MAP3K20: variants seen among roughly 807,000 people sequenced by gnomAD.
MAP3K20 encodes mitogen-activated protein kinase kinase kinase 20.
In MAP3K20, 40 loss-of-function variants were observed where a neutral mutation model predicts 85.7. The observed-to-expected ratio is 0.47, with a 90% CI of 0.36 to 0.61. MAP3K20 has a LOEUF of 0.61. Ranked by LOEUF, MAP3K20 falls within the 20% of genes least tolerant of loss-of-function variation. The probability of loss-of-function intolerance (pLI) is 0.00; values close to 1 mark genes in which losing one functional copy is unlikely to be tolerated. For missense variants in MAP3K20, 817 were observed against 961.7 expected (o/e 0.85, Z 1.99); for synonymous variants, 325 against 327.7 (o/e 0.99, Z 0.09).
Position 173,240,708 on chromosome 2 carries a change from G to C in MAP3K20, c.1359+1212G>C, listed in dbSNP as rs1684759694. ...GAATGCTGGTGAGGATGTGGAGAAA[G>C]GAGAACCTTCGTACACTGTTGGTGG... is the stretch of plus-strand genomic sequence containing the variant. On this transcript the variant is annotated intron_variant, in intron 16 of 19. Coordinates refer to ENST00000375213, the MANE Select transcript of MAP3K20 (RefSeq NM_016653.3). Among the ~76,000 whole-genome samples the C allele has an allele frequency of 2.0e-5, 3 of 152,164 alleles. No homozygotes were observed. The South Asian group carries it at 6.2e-4, about 32-fold the overall frequency.
intron 2 of MAP3K20, among the ~76,000 whole-genome samples, chr2:173,118,725 A>T (rs1391940925): frequency 6.6e-6 from 1 of 152,252 alleles, no homozygotes; most frequent in Non-Finnish European, 1.5e-5. Flanking sequence ...GGAAGTTAGT[A>T]ATAATCATGA....
intron 2 of MAP3K20, among the ~76,000 whole-genome samples, chr2:173,141,127 C>T (rs567200501): frequency 9.9e-5 from 15 of 152,222 alleles, no homozygotes; most frequent in South Asian, 2.1e-4. Flanking sequence ...TGTGACTACA[C>T]GTAGAGCTAC....
intron 14 of MAP3K20, 84 bp from the exon 15 acceptor site, chr2:173,238,289 G>A: frequency 1.7e-6 from 2 of 1,155,688 alleles, no homozygotes; most frequent in Non-Finnish European, 1.3e-6. Context: ...GGTAAATAAG[G>A]AATGTTTTTG....
At chr2:173,161,132 A>C (rs1333318425) in intron 2 of MAP3K20, among the ~76,000 whole-genome samples, 2 of 152,260 alleles carry the variant, frequency 1.3e-5, no homozygotes, top group Admixed American at 1.3e-4. Flanking sequence ...TGCAAAGGCA[A>C]GGGCATGCTT....
chr2:173,121,531 C>A (rs142283897), intron 2 of MAP3K20, among the ~76,000 whole-genome samples: 2 of 151,952 alleles, frequency 1.3e-5, no homozygotes, highest in Admixed American at 6.6e-5. Context: ...GGACTACAGG[C>A]GCCCGCCACC....
In MAP3K20 at chr2:173,165,508, C is replaced by T. The variant is rs75508510; in HGVS notation, c.160-4297C>T. Among the ~76,000 whole-genome samples the T allele has an allele frequency of 3.7e-3, 571 of 152,288 alleles. 2 individuals are homozygous for T. The highest frequency in any genetic ancestry group is 0.01 in the Middle Eastern group (3 of 294). The stretch of plus-strand genomic sequence containing the variant: ...AAATTACATGTTTATCTTATGGATA[C>T]TTAGACCGTAGTTTGTATAACTTTA... On this transcript the variant is annotated intron_variant, in intron 2 of 19. Transcript: ENST00000375213.
At chr2:173,089,436 TAA>T (rs35555816) in intron 1 of MAP3K20, among the ~76,000 whole-genome samples, 38,591 of 152,006 alleles carry the variant, frequency 0.25, 6,065 homozygotes, top group Non-Finnish European at 0.35. Flanking sequence ...CATCCATCTA[TAA>T]AGCAAAAATA....
At chr2:173,167,727 T>G (rs1038311792) in intron 2 of MAP3K20, among the ~76,000 whole-genome samples, 1 of 152,148 alleles carries the variant, frequency 6.6e-6, no homozygotes, top group African/African-American at 2.4e-5. Flanking sequence ...CCTCAAGATA[T>G]CACTTGGCAA....
At chr2:173,115,509 G>A (rs1358536766) in intron 2 of MAP3K20, among the ~76,000 whole-genome samples, 2 of 152,134 alleles carry the variant, frequency 1.3e-5, no homozygotes, top group East Asian at 3.8e-4. Context: ...TATTACCAGA[G>A]TTGGGTTTCT....
chr2:173,096,344 C>CA (rs1553563209), intron 2 of MAP3K20, among the ~76,000 whole-genome samples: 1 of 144,616 alleles, frequency 6.9e-6, no homozygotes, highest in East Asian at 2.0e-4. Context: ...TTCTTTTTTC[C>CA]TTTTTTTTTT....
At chr2:173,084,025 A>G (rs560488462) in intron 1 of MAP3K20, among the ~76,000 whole-genome samples, 1 of 152,348 alleles carries the variant, frequency 6.6e-6, no homozygotes, top group South Asian at 2.1e-4. Context: ...ACCACAAGAT[A>G]GAAACATCCA....
intron 11 of MAP3K20, chr2:173,221,794 A>G (rs557818015): frequency 2.8e-5 from 31 of 1,108,190 alleles, no homozygotes; most frequent in African/African-American, 8.1e-5. Flanking sequence ...TCCTATATAC[A>G]ATATAGGACT....
intron 2 of MAP3K20, among the ~76,000 whole-genome samples, chr2:173,145,685 C>T (rs1689117064): frequency 6.6e-6 from 1 of 152,078 alleles, no homozygotes; most frequent in South Asian, 2.1e-4. Flanking sequence ...ATGGTATCAC[C>T]TCTTTGGGAT....
At chr2:173,137,700 A>G (rs147381555) in intron 2 of MAP3K20, among the ~76,000 whole-genome samples, 34 of 152,300 alleles carry the variant, frequency 2.2e-4, no homozygotes, top group African/African-American at 7.7e-4. Flanking sequence ...AAGGGAATCT[A>G]TGAGCAGAAA....
chr2:173,224,275 G>C, intron 11 of MAP3K20: 1 of 985,366 alleles, frequency 1.0e-6, no homozygotes. Flanking sequence ...CTAACTTCGG[G>C]ATCCCTGCAC....
intron 11 of MAP3K20, chr2:173,223,924 C>G (rs1684319250): frequency 2.0e-6 from 2 of 985,422 alleles, no homozygotes; most frequent in South Asian, 9.4e-5. Flanking sequence ...GGTCAGCCAC[C>G]TGAAGAGAGA....
intron 2 of MAP3K20, among the ~76,000 whole-genome samples, chr2:173,107,897 A>G (rs1275269583): frequency 1.3e-5 from 2 of 152,202 alleles, no homozygotes; most frequent in African/African-American, 2.4e-5. Context: ...CAGTCGGAAC[A>G]TATTCGAGAT....
chr2:173,134,539 G>A (rs1172591645), intron 2 of MAP3K20, among the ~76,000 whole-genome samples: 1 of 145,862 alleles, frequency 6.9e-6, no homozygotes, highest in South Asian at 2.2e-4. Context: ...CAAAGTGCTG[G>A]GATTACAGGC....
At position 173,256,363 on chromosome 2, in the gene MAP3K20, C is replaced by T. The variant is rs182242843; in HGVS notation, c.1360-2336C>T. Among the ~76,000 whole-genome samples the T allele has an allele frequency of 9.9e-5, 15 of 152,266 alleles. No homozygotes were observed. The East Asian group carries it at 2.9e-3, about 29-fold the overall frequency. Reference sequence around the variant, plus strand: ...AAACACAGAGCCAGGAGCAGTGGCTCATGCCTCTATCCCAGCTACTTGGGA... The same window carrying T: ...AAACACAGAGCCAGGAGCAGTGGCTTATGCCTCTATCCCAGCTACTTGGGA... On this transcript the variant is annotated intron_variant, in intron 16 of 19. Transcript: ENST00000375213.
Sources: allele counts gnomAD v4.1 joint callset (sites outside exome capture counted in the v4.1 genomes callset), GRCh38; gene constraint gnomAD v4.1.1; transcripts MANE v1.5; gene names NCBI Gene and HGNC (gene_info 2026-07-23, HGNC 2026-07-21).